Variants in TAF3 observed in about 807,000 individuals in gnomAD.
TAF3 encodes the protein transcription initiation factor TFIID subunit 3.
In TAF3, 7 loss-of-function variants were observed where a neutral mutation model predicts 80.6. The ratio of observed to expected loss-of-function variants is 0.09; its 90% CI spans 0.05 to 0.16. The LOEUF is 0.16. TAF3 is among the 10% of genes least tolerant of loss of function. The pLI is 1.00. For missense variants in TAF3, 921 were observed against 1,140.2 expected (o/e 0.81, Z 2.77); for synonymous variants, 444 against 446.1 (o/e 1.00, Z 0.06).
chr10:7,919,133 G>A (rs544271583), intron 2 of TAF3, among the ~76,000 whole-genome samples: 6 of 152,298 alleles, frequency 3.9e-5, no homozygotes, highest in South Asian at 2.1e-4. Flanking sequence ...GAGATTGAGT[G>A]CGACTAGGGG....
At chr10:7,872,008 T>C (rs1172710988) in intron 2 of TAF3, among the ~76,000 whole-genome samples, 1 of 152,182 alleles carries the variant, frequency 6.6e-6, no homozygotes, top group Non-Finnish European at 1.5e-5. Context: ...TCGGGACGCT[T>C]TTCACATGTC....
Position 8,002,541 on chromosome 10 carries a change from A to T in TAF3, c.2316-6537A>T, listed in dbSNP as rs1588346548. Reference sequence around the variant, plus strand: ...AGGCTTTTTGTTCCTTTGAGGAACTACTGATAGAGCAGGGGTAACAAATCT... The same window carrying T: ...AGGCTTTTTGTTCCTTTGAGGAACTTCTGATAGAGCAGGGGTAACAAATCT... On this transcript the variant is annotated intron_variant, in intron 4 of 6. Coordinates refer to ENST00000344293, the MANE Select transcript of TAF3 (RefSeq NM_031923.4). Among the ~76,000 whole-genome samples, 5 of 152,326 alleles carry T rather than the reference A, an allele frequency of 3.3e-5. No individual in the cohort carries two copies. The South Asian group carries it at 1.0e-3, about 32-fold the overall frequency.
At chr10:7,919,586 G>A (rs548278821) in intron 2 of TAF3, among the ~76,000 whole-genome samples, 50 of 152,028 alleles carry the variant, frequency 3.3e-4, no homozygotes, top group Non-Finnish European at 5.4e-4. Flanking sequence ...TTGGTTCCAG[G>A]ACCCCCCATA....
At chr10:7,821,511 T>C (rs954612694) in intron 1 of TAF3, among the ~76,000 whole-genome samples, 34 of 152,244 alleles carry the variant, frequency 2.2e-4, no homozygotes, top group Non-Finnish European at 2.4e-4. Context: ...TGATGGTGTT[T>C]GTTTCTTCTA....
intron 2 of TAF3, among the ~76,000 whole-genome samples, chr10:7,891,315 TG>T (rs1293568204): frequency 6.6e-6 from 1 of 152,236 alleles, no homozygotes; most frequent in Non-Finnish European, 1.5e-5. Flanking sequence ...ATGATTAAGG[TG>T]TACATAGTAA....
chr10:7,824,256 A>G, intron 1 of TAF3, 62 bp from the exon 2 acceptor site: 2 of 1,546,186 alleles, frequency 1.3e-6, no homozygotes, highest in Admixed American at 2.0e-5. Context: ...TTTTCTTAAT[A>G]TTTAAAAATA....
At chr10:7,825,115 C>A (rs1836727672) in intron 2 of TAF3, among the ~76,000 whole-genome samples, 1 of 152,100 alleles carries the variant, frequency 6.6e-6, no homozygotes, top group South Asian at 2.1e-4. Flanking sequence ...TGCAGAGTTC[C>A]CTTTTTTCCT....
chr10:7,898,680 C>T (rs1012159766), intron 2 of TAF3, among the ~76,000 whole-genome samples: 5 of 152,018 alleles, frequency 3.3e-5, no homozygotes, highest in South Asian at 2.1e-4. Flanking sequence ...CTTATAAAAC[C>T]GCTGTGCAAA....
At chr10:7,829,415 T>C (rs2131102864) in intron 2 of TAF3, among the ~76,000 whole-genome samples, 1 of 152,360 alleles carries the variant, frequency 6.6e-6, no homozygotes, top group South Asian at 2.1e-4. Context: ...GATATCATAT[T>C]GTGTTTGGTT....
intron 2 of TAF3, among the ~76,000 whole-genome samples, chr10:7,884,872 T>G (rs1274174977): frequency 6.6e-6 from 1 of 152,230 alleles, no homozygotes; most frequent in Non-Finnish European, 1.5e-5. Flanking sequence ...GATTTCATAT[T>G]AATAATTCCA....
rs1402125641 is a variant in TAF3 at position 7,979,735 on chromosome 10, GAGAA to G, written c.2315+2420_2315+2423del. Among the ~76,000 whole-genome samples the G allele has an allele frequency of 2.7e-5, 4 of 146,518 alleles. 1 individual carries two copies. The highest frequency in any genetic ancestry group is 4.3e-4 in the South Asian group (2 of 4,658). ...ATTACATTTTAAATTAAAATAGAGC[GAGAA>G]AGAAAGAGGACTAAATCTAATAGTA... On this transcript the variant is annotated intron_variant, in intron 4 of 6. Transcript: ENST00000344293.
chr10:7,871,435 CTTTTTTTTTTTTT>C (rs527356726), intron 2 of TAF3, among the ~76,000 whole-genome samples: 4 of 69,116 alleles, frequency 5.8e-5, no homozygotes, highest in African/African-American at 1.9e-4. Context: ...ATAACTGCTG[CTTTTTTTTTTTTT>C]TTTTTTTTTT....
chr10:7,977,419 G>T, intron 4 of TAF3, 96 bp downstream of exon 4: 1 of 1,136,958 alleles, frequency 8.8e-7, no homozygotes, highest in East Asian at 2.4e-5. Flanking sequence ...CTTCTCCCAG[G>T]TATGAACCTG....
intron 4 of TAF3, among the ~76,000 whole-genome samples, chr10:8,004,635 A>G (rs1379134902): frequency 6.6e-6 from 1 of 152,184 alleles, no homozygotes; most frequent in African/African-American, 2.4e-5. Flanking sequence ...ATTGCTAATT[A>G]AGAAGTCAGC....
chr10:7,826,058 G>C (rs4749283), intron 2 of TAF3, among the ~76,000 whole-genome samples: 40,464 of 152,006 alleles, frequency 0.27, 5,899 homozygotes, highest in East Asian at 0.59. Context: ...GTCTCAGGAA[G>C]TATGTTTAAA....
At chr10:7,890,711 A>G (rs1382529263) in intron 2 of TAF3, among the ~76,000 whole-genome samples, 1 of 152,220 alleles carries the variant, frequency 6.6e-6, no homozygotes, top group Non-Finnish European at 1.5e-5. Flanking sequence ...AAAGCTTACA[A>G]AGCAATCAGT....
At chr10:7,873,292 TTCTC>T (rs1024588019) in intron 2 of TAF3, among the ~76,000 whole-genome samples, 5 of 152,188 alleles carry the variant, frequency 3.3e-5, no homozygotes, top group Admixed American at 6.5e-5. Flanking sequence ...GAAATTGTGT[TTCTC>T]TCTAACAGAC....
intron 2 of TAF3, among the ~76,000 whole-genome samples, chr10:7,912,125 A>G (rs1236864025): frequency 1.3e-5 from 2 of 152,364 alleles, no homozygotes; most frequent in South Asian, 2.1e-4. Flanking sequence ...TTCATCATCC[A>G]GGAAAGATGT....
intron 4 of TAF3, among the ~76,000 whole-genome samples, chr10:7,991,865 A>T (rs1249897650): frequency 6.6e-6 from 1 of 152,214 alleles, no homozygotes; most frequent in South Asian, 2.1e-4. Flanking sequence ...ACTGAATTTT[A>T]TAACTCTCCA....
Sources: gnomAD v4.1 joint callset for allele counts (sites outside exome capture counted in the v4.1 genomes callset) on GRCh38, gnomAD v4.1.1 for gene constraint, MANE v1.5 for transcripts, NCBI Gene and HGNC (gene_info 2026-07-23, HGNC 2026-07-21) for gene names.